The following PTBP2 variants were observed in gnomAD, a reference collection of about 807,000 sequenced individuals.
PTBP2 encodes polypyrimidine tract-binding protein 2.
Under a neutral mutation model 61.4 loss-of-function variants are expected in PTBP2, and 13 were observed. That is an observed-to-expected ratio of 0.21 (90% CI 0.14 to 0.34). The LOEUF is 0.34. Among genes scored for constraint, PTBP2 ranks in the 10% least tolerant of loss-of-function variants. The pLI, the probability that PTBP2 is intolerant of heterozygous loss-of-function variation, is 1.00. For missense variants in PTBP2, 405 were observed against 642.6 expected, an observed-to-expected ratio of 0.63 and a Z score of 4.00; for synonymous variants, 215 against 218.5, an observed-to-expected ratio of 0.98 and a Z score of 0.14.
chr1:96,787,048 TCTCA>T (rs1659283351), intron 8 of PTBP2, among the ~76,000 whole-genome samples: 2 of 152,292 alleles, frequency 1.3e-5, no homozygotes, highest in South Asian at 4.1e-4. Context: ...TGAGATGGAA[TCTCA>T]CTCTGTCGCC....
At chr1:96,781,389 T>C (rs1658650304) in intron 7 of PTBP2, among the ~76,000 whole-genome samples, 1 of 152,050 alleles carries the variant, frequency 6.6e-6, no homozygotes, top group Non-Finnish European at 1.5e-5. Flanking sequence ...GTCCTTATCA[T>C]GGCTTATAAG....
chr1:96,776,609 C>T (rs1658074136), intron 5 of PTBP2, among the ~76,000 whole-genome samples: 1 of 151,680 alleles, frequency 6.6e-6, no homozygotes, highest in African/African-American at 2.4e-5. Flanking sequence ...AACTGTAAAC[C>T]TATGTATAGG....
At chr1:96,762,420 A>G (rs987635271) in intron 3 of PTBP2, among the ~76,000 whole-genome samples, 1 of 142,870 alleles carries the variant, frequency 7.0e-6, no homozygotes, top group Non-Finnish European at 1.5e-5. Flanking sequence ...TCCCTCCCGG[A>G]TGGGGCAGCT....
intron 11 of PTBP2, among the ~76,000 whole-genome samples, chr1:96,807,178 A>C (rs1376857245): frequency 1.3e-5 from 2 of 152,186 alleles, no homozygotes; most frequent in Non-Finnish European, 2.9e-5. Flanking sequence ...TAATAGGAAG[A>C]GATTTTAGCT....
intron 2 of PTBP2, among the ~76,000 whole-genome samples, chr1:96,739,592 T>C (rs1557694760): frequency 6.6e-6 from 1 of 150,588 alleles, no homozygotes; most frequent in African/African-American, 2.4e-5. Flanking sequence ...AAAGTCTGAA[T>C]GCTACAAAAT....
intron 8 of PTBP2, among the ~76,000 whole-genome samples, chr1:96,785,732 A>G (rs375492376): frequency 1.7e-3 from 259 of 152,292 alleles, no homozygotes; most frequent in African/African-American, 5.8e-3. Flanking sequence ...TTTTTGAAGC[A>G]TATTGTAGTG....
At chr1:96,726,209 A>T (rs1208869230) in intron 2 of PTBP2, among the ~76,000 whole-genome samples, 1 of 149,948 alleles carries the variant, frequency 6.7e-6, no homozygotes, top group Non-Finnish European at 1.5e-5. Flanking sequence ...TTTATATATT[A>T]GCACACATAT....
At chr1:96,802,403 TAA>T (rs200300010) in intron 8 of PTBP2, among the ~76,000 whole-genome samples, 1 of 152,076 alleles carries the variant, frequency 6.6e-6, no homozygotes, top group Non-Finnish European at 1.5e-5. Flanking sequence ...TAGATGGTTA[TAA>T]GAGTCAAGAG....
Position 96,799,294 on chromosome 1 carries a change from C to CTTTTTT in PTBP2, c.905-5492_905-5487dup, listed in dbSNP as rs373815292. ...ATAGCAATCCTCAGAATAGATCAAG[C>CTTTTTT]TTTTTTTTTTTTTTTTTTTGAGATG... On this transcript the variant is annotated intron_variant, in intron 8 of 13. Coordinates refer to ENST00000674951, the MANE Select transcript of PTBP2 (RefSeq NM_021190.4). Among the ~76,000 whole-genome samples the CTTTTTT allele has an allele frequency of 2.9e-3, 265 of 92,144 alleles. 34 individuals are homozygous for CTTTTTT. Among genetic ancestry groups the CTTTTTT allele is most frequent in the African/African-American group, 5.5e-3 (114 of 20,644 alleles). 60.5% of individuals were successfully genotyped at this position (92,144 alleles called of 152,430 possible). A position where few individuals can be genotyped will look rare whatever the true frequency, so the allele number is the denominator to read the frequency against.
Position 96,777,627 on chromosome 1 carries a change from G to A in PTBP2, c.475G>A (p.Ala159Thr), listed in dbSNP as rs1295196147. 1 of 1,613,288 alleles carries A rather than the reference G, an allele frequency of 6.2e-7. No homozygotes were observed. Among genetic ancestry groups the A allele is most frequent in the Non-Finnish European group, 8.5e-7 (1 of 1,179,584 alleles). Reference protein sequence around the residue: ...VLQAVTAVQTANTPLSGTTVS... With the variant: ...VLQAVTAVQTTNTPLSGTTVS... ...TCAAGCTGTGACAGCTGTCCAGACAGCAAATACTCCTCTTAGTGGCACCAC... is the reference window on the plus strand; with the variant it reads ...TCAAGCTGTGACAGCTGTCCAGACAACAAATACTCCTCTTAGTGGCACCAC... The change falls in exon 6 of 14, where the codon GCA (alanine) becomes ACA (threonine). Residue 159 changes from alanine (A) to threonine (T), a missense_variant. Physicochemically the swap from Ala to Thr is moderately conservative, Grantham distance 58 (BLOSUM62 0). Coordinates refer to ENST00000674951, the MANE Select transcript of PTBP2 (RefSeq NM_021190.4).
chr1:96,811,474 C>T (rs893107036), intron 11 of PTBP2, among the ~76,000 whole-genome samples: 8 of 151,724 alleles, frequency 5.3e-5, no homozygotes, highest in Non-Finnish European at 1.2e-4. Flanking sequence ...CTGGAGTGCA[C>T]TGTGGCACCA....
intron 3 of PTBP2, among the ~76,000 whole-genome samples, chr1:96,758,299 A>T (rs1267353305): frequency 6.6e-6 from 1 of 152,078 alleles, no homozygotes; most frequent in Non-Finnish European, 1.5e-5. Context: ...TTCCACAAAG[A>T]TTACTCTAGT....
chr1:96,728,017 C>T (rs142905962), intron 2 of PTBP2, among the ~76,000 whole-genome samples: 1 of 152,008 alleles, frequency 6.6e-6, no homozygotes, highest in African/African-American at 2.4e-5. Context: ...AGAGACAGGA[C>T]CTGACTCTGT....
intron 2 of PTBP2, among the ~76,000 whole-genome samples, chr1:96,739,445 G>T (rs905757629): frequency 2.6e-5 from 4 of 151,914 alleles, no homozygotes; most frequent in Admixed American, 6.6e-5. Context: ...ACTCTATACT[G>T]ATTTTAAAAC....
At chr1:96,779,587 T>C (rs1658421517) in intron 7 of PTBP2, among the ~76,000 whole-genome samples, 1 of 152,090 alleles carries the variant, frequency 6.6e-6, no homozygotes, top group Admixed American at 6.6e-5. Flanking sequence ...CATCCAACTA[T>C]GATATTGATG....
intron 8 of PTBP2, among the ~76,000 whole-genome samples, chr1:96,804,237 A>G (rs887317435): frequency 6.6e-6 from 1 of 152,162 alleles, no homozygotes; most frequent in Non-Finnish European, 1.5e-5. Flanking sequence ...TATAATTAAG[A>G]AGGCAAGCAC....
downstream of PTBP2, chr1:96,816,893 G>T (rs572535144): frequency 1.2e-4 from 18 of 152,254 alleles, no homozygotes; most frequent in African/African-American, 3.9e-4. Context: ...CAGACTGCCA[G>T]ATTTGCCCAC....
At chr1:96,740,001 A>G (rs1382610524) in intron 2 of PTBP2, among the ~76,000 whole-genome samples, 1 of 152,002 alleles carries the variant, frequency 6.6e-6, no homozygotes, top group Non-Finnish European at 1.5e-5. Flanking sequence ...AGATTTTCAG[A>G]TTAGGAATGC....
chr1:96,769,680 G>A (rs1209889013), intron 3 of PTBP2, 23 bp from the exon 4 acceptor site: 6 of 1,495,118 alleles, frequency 4.0e-6, no homozygotes, highest in East Asian at 2.4e-5. Flanking sequence ...GATATATAAG[G>A]ACTGTTTTTT....
Sources: gnomAD v4.1 joint callset for allele counts (sites outside exome capture counted in the v4.1 genomes callset) on GRCh38, gnomAD v4.1.1 for gene constraint, MANE v1.5 for transcripts, NCBI Gene and HGNC (gene_info 2026-07-23, HGNC 2026-07-21) for gene names.